The following TVP23C variants were observed in gnomAD, a reference collection of about 807,000 sequenced individuals.
The protein encoded by TVP23C is trans-golgi network vesicle protein 23 homolog C.
Under a neutral mutation model 28.7 loss-of-function variants are expected in TVP23C, and 19 were observed. The ratio of observed to expected loss-of-function variants is 0.66; its 90% CI spans 0.46 to 0.97. TVP23C has a LOEUF of 0.97. Ranked by LOEUF, TVP23C falls within the 50% of genes least tolerant of loss-of-function variation. TVP23C has a pLI of 0.00. For missense variants in TVP23C, 186 were observed against 241.3 expected (o/e 0.77, Z 1.52); for synonymous variants, 68 against 81.7 (o/e 0.83, Z 0.90).
chr17:15,545,263 CCAT>C (rs1308404174), intron 5 of TVP23C, among the ~76,000 whole-genome samples: 2 of 152,172 alleles, frequency 1.3e-5, no homozygotes, highest in African/African-American at 2.4e-5. Context: ...AGTCCCACCA[CCAT>C]GAGGCCACCA....
Position 15,527,514 on chromosome 17 carries a change from G to A in TVP23C, c.462+18271C>T, listed in dbSNP as rs1282755040. On this transcript the variant is annotated intron_variant, in intron 5 of 5. Transcript: ENST00000225576. ...TGCTGCAACTTTAGCTTAGCAATTC[G>A]GTTTTCCATCTGAGCAAGTTACCAT... Among the ~76,000 whole-genome samples the A allele has an allele frequency of 5.9e-5, 9 of 151,896 alleles. No individual in the cohort carries two copies. The South Asian group carries it at 1.5e-3, about 25-fold the overall frequency.
chr17:15,518,397 C>A (rs73289556), intron 5 of TVP23C, among the ~76,000 whole-genome samples: 8,356 of 152,164 alleles, frequency 0.055, 774 homozygotes, highest in African/African-American at 0.19. Context: ...CAGAAGGCGT[C>A]CCTAGCATTC....
chr17:15,538,648 C>T lies in TVP23C; in HGVS notation c.*1764G>A. 3.0e-6 allele frequency: 3 copies of T among 985,326 alleles called. No individual in the cohort carries two copies. In the South Asian group the frequency reaches 1.4e-4, roughly 46 times the overall value. The allele number at this position is 985,326 out of a possible 1,614,324, so 61.0% of individuals were successfully genotyped here. A position where few individuals can be genotyped will look rare whatever the true frequency, so the allele number is the denominator to read the frequency against. On this transcript the variant is annotated 3_prime_UTR_variant, in exon 6 of 6. Coordinates refer to ENST00000518321, the MANE Select transcript of TVP23C (RefSeq NM_001135036.2). ...CGCTAATGAAGTAAATCCATGGATA[C>T]CATCATCCACCCAGCTGTCCAGTTT...
At chr17:15,529,160 T>C (rs1982848024) in intron 5 of TVP23C, among the ~76,000 whole-genome samples, 1 of 152,010 alleles carries the variant, frequency 6.6e-6, no homozygotes, top group Non-Finnish European at 1.5e-5. Flanking sequence ...TTATTAAGAG[T>C]AAATTGTTAT....
At chr17:15,555,554 C>G (rs1984093784) in intron 1 of TVP23C, among the ~76,000 whole-genome samples, 190 bp from the exon 2 acceptor site, 1 of 152,336 alleles carries the variant, frequency 6.6e-6, no homozygotes, top group East Asian at 1.9e-4. Flanking sequence ...GCAAAAACCC[C>G]AGAGAATAAT....
chr17:15,513,510 G>A (rs1982089339), intron 5 of TVP23C, among the ~76,000 whole-genome samples: 1 of 152,208 alleles, frequency 6.6e-6, no homozygotes, highest in Admixed American at 6.5e-5. Context: ...GGGCTGTCCA[G>A]TCCTAGCGTC....
chr17:15,512,560 C>T (rs1258979062), intron 5 of TVP23C, among the ~76,000 whole-genome samples: 1 of 152,156 alleles, frequency 6.6e-6, no homozygotes, highest in African/African-American at 2.4e-5. Context: ...CTGGTGAAAT[C>T]CAGTCCCCAA....
rs1416930447 is a variant in TVP23C, at chr17:15,563,163, G to A, written c.12+274C>T. 8 of 528,436 alleles carry A rather than the reference G, an allele frequency of 1.5e-5. No individual in the cohort carries two copies. The South Asian group carries it at 2.1e-4, about 14-fold the overall frequency. The allele number at this position is 528,436 out of a possible 1,614,324, so 32.7% of individuals were successfully genotyped here. A position where few individuals can be genotyped will look rare whatever the true frequency, so the allele number is the denominator to read the frequency against. ...CTCCACCCCGGCAATAAGGGTTGAG[G>A]AAAGAGAGACCCCCACTCGCGCTGG... is the stretch of plus-strand genomic sequence containing the variant. On this transcript the variant is annotated intron_variant, in intron 1 of 5. Coordinates refer to ENST00000518321, the MANE Select transcript of TVP23C (RefSeq NM_001135036.2).
chr17:15,551,679 TGC>T (rs1310123967), intron 3 of TVP23C, among the ~76,000 whole-genome samples: 1,933 of 31,620 alleles, frequency 0.061, 42 homozygotes, highest in African/African-American at 0.11. Context: ...TTTTTTTGTG[TGC>T]GATTTTTTTT....
Position 15,540,478 on chromosome 17 carries a change from T to G in TVP23C, c.546A>C (p.Leu182Phe), listed in dbSNP as rs1291043837. 98 of 1,608,458 alleles carry G rather than the reference T, an allele frequency of 6.1e-5. No homozygotes were observed. Among genetic ancestry groups the G allele is most frequent in the Non-Finnish European group, 8.0e-5 (94 of 1,178,532 alleles). Reference protein sequence around the residue: ...IRCKVRSRKHLTSMATSYFGK... With the variant: ...IRCKVRSRKHFTSMATSYFGK... Reference sequence around the variant, plus strand: ...CAAAATATGAAGTAGCCATGCTGGTTAAATGCTTTCTGCTGCGCACCTTAC... The same window carrying G: ...CAAAATATGAAGTAGCCATGCTGGTGAAATGCTTTCTGCTGCGCACCTTAC... Residue 182 changes from leucine (L) to phenylalanine (F), a missense_variant, in exon 6 of 6, where the codon TTA becomes TTC. Coordinates refer to ENST00000518321, the MANE Select transcript of TVP23C (RefSeq NM_001135036.2).
intron 5 of TVP23C, among the ~76,000 whole-genome samples, chr17:15,524,828 T>C (rs1479096720): frequency 6.6e-6 from 1 of 152,114 alleles, no homozygotes; most frequent in Admixed American, 6.5e-5. Flanking sequence ...AGGTTGCAAA[T>C]AGCACCAAGA....
intron 5 of TVP23C, among the ~76,000 whole-genome samples, chr17:15,525,630 CTG>C (rs1377239746): frequency 6.6e-6 from 1 of 152,204 alleles, no homozygotes; most frequent in Non-Finnish European, 1.5e-5. Context: ...GTTCCCACAA[CTG>C]TGTAAGCCAA....
At chr17:15,516,023 C>T (rs1041783656) in intron 5 of TVP23C, among the ~76,000 whole-genome samples, 11 of 152,128 alleles carry the variant, frequency 7.2e-5, no homozygotes, top group African/African-American at 1.9e-4. Context: ...CCAGGTAAGA[C>T]GCGTGCTCCC....
chr17:15,504,503 A>T (rs544822769), intron 5 of TVP23C, among the ~76,000 whole-genome samples: 3 of 152,314 alleles, frequency 2.0e-5, no homozygotes, highest in South Asian at 4.1e-4. Context: ...AGCGCGGAAG[A>T]TGAGGCAGCT....
intron 5 of TVP23C, among the ~76,000 whole-genome samples, chr17:15,544,673 T>G (rs1341376896): frequency 3.3e-5 from 5 of 152,056 alleles, no homozygotes; most frequent in Admixed American, 2.0e-4. Context: ...GAGCAGGAAC[T>G]CCATAAATAC....
chr17:15,506,283 G>A (rs993267099), intron 5 of TVP23C, among the ~76,000 whole-genome samples: 25 of 152,322 alleles, frequency 1.6e-4, no homozygotes, highest in African/African-American at 6.0e-4. Flanking sequence ...GCTCTGGTGG[G>A]GCCTTGGAGA....
Position 15,539,670 on chromosome 17 carries a change from A to C in TVP23C, c.*742T>G, listed in dbSNP as rs1312965948. The stretch of plus-strand genomic sequence containing the variant: ...TTTAACCAATAATTATTTACCTATG[A>C]CTACTACTCATCCTGCTGAAAACCC... On this transcript the variant is annotated 3_prime_UTR_variant, in exon 6 of 6. Transcript: ENST00000518321. 2.0e-6 allele frequency: 2 copies of C among 985,084 alleles called. No homozygotes were observed. The highest frequency in any genetic ancestry group is 1.7e-5 in the African/African-American group (1 of 57,190). The allele number at this position is 985,084 out of a possible 1,614,324, so 61.0% of individuals were successfully genotyped here.
chr17:15,556,646 G>A (rs1258214236), intron 1 of TVP23C, among the ~76,000 whole-genome samples: 1 of 152,134 alleles, frequency 6.6e-6, no homozygotes, highest in Non-Finnish European at 1.5e-5. Flanking sequence ...GAGCCACCAT[G>A]CCCGGCCCCA....
intron 1 of TVP23C, among the ~76,000 whole-genome samples, chr17:15,561,625 TG>T (rs756145919): frequency 0.24 from 27,045 of 114,628 alleles, 967 homozygotes; most frequent in Non-Finnish European, 0.35. Context: ...AATGAATGAA[TG>T]AATGAATAAA....
Sources: gnomAD v4.1 joint callset for allele counts (sites outside exome capture counted in the v4.1 genomes callset) on GRCh38, gnomAD v4.1.1 for gene constraint, MANE v1.5 for transcripts, NCBI Gene and HGNC (gene_info 2026-07-23, HGNC 2026-07-21) for gene names.